Variants in PRKN observed in about 807,000 individuals in gnomAD.
PRKN encodes the protein E3 ubiquitin-protein ligase parkin.
PRKN carries 56 observed loss-of-function variants against 59.5 expected under a neutral mutation model. The ratio of observed to expected loss-of-function variants is 0.94; its 90% CI spans 0.76 to 1.18. The LOEUF is 1.18. PRKN is among the 50% of genes most tolerant of loss of function. PRKN has a pLI of 0.00. For synonymous variants in PRKN, 250 were observed against 222.1 expected, an observed-to-expected ratio of 1.13 and a Z score of -1.12; for missense variants, 657 against 596.4, an observed-to-expected ratio of 1.10 and a Z score of -1.06.
At chr6:162,465,848 G>C (rs144020708) in intron 1 of PRKN, among the ~76,000 whole-genome samples, 14 of 152,250 alleles carry the variant, frequency 9.2e-5, no homozygotes, top group African/African-American at 3.4e-4. Flanking sequence ...GGTATATTGT[G>C]ATATTTAAGA....
chr6:161,735,717 C>A (rs1787936272), intron 7 of PRKN, among the ~76,000 whole-genome samples: 1 of 152,050 alleles, frequency 6.6e-6, no homozygotes, highest in Non-Finnish European at 1.5e-5. Context: ...GAATTCGAGA[C>A]CAGTCTGGCC....
At chr6:162,546,175 C>A (rs902003735) in intron 1 of PRKN, among the ~76,000 whole-genome samples, 2 of 144,910 alleles carry the variant, frequency 1.4e-5, no homozygotes, top group Non-Finnish European at 3.0e-5. Context: ...GTGATCTCAG[C>A]TCACTGCAAC....
intron 2 of PRKN, among the ~76,000 whole-genome samples, chr6:162,345,768 T>C (rs1784376116): frequency 6.6e-6 from 1 of 152,244 alleles, no homozygotes; most frequent in Non-Finnish European, 1.5e-5. Context: ...CTTTTGAGCT[T>C]TGTAGTCACA....
chr6:161,431,459 C>G (rs752418127), intron 9 of PRKN, among the ~76,000 whole-genome samples: 1 of 151,722 alleles, frequency 6.6e-6, no homozygotes, highest in Non-Finnish European at 1.5e-5. Flanking sequence ...TAAATCATAT[C>G]ATAAAATGTT....
chr6:162,300,636 T>C lies in PRKN; in HGVS notation c.172-37871A>G, dbSNP rs144631310. Among the ~76,000 whole-genome samples, 620 of 152,252 alleles carry C rather than the reference T, an allele frequency of 4.1e-3. 5 individuals are homozygous for C. The highest frequency in any genetic ancestry group is 0.014 in the African/African-American group (591 of 41,536). On this transcript the variant is annotated intron_variant, in intron 2 of 11. Coordinates refer to ENST00000366898, the MANE Select transcript of PRKN (RefSeq NM_004562.3). ...CATAGATTAGAACACCTCACTTCTC[T>C]AAAGTTAACCTTTATCGGGCAAGCT...
chr6:161,991,519 G>T (rs1327880868), intron 5 of PRKN, among the ~76,000 whole-genome samples: 2 of 152,130 alleles, frequency 1.3e-5, no homozygotes, highest in African/African-American at 4.8e-5. Flanking sequence ...CCCCATAAAA[G>T]ATAATAAATG....
chr6:162,067,311 T>G (rs1778382474), intron 4 of PRKN, among the ~76,000 whole-genome samples: 1 of 152,234 alleles, frequency 6.6e-6, no homozygotes, highest in African/African-American at 2.4e-5. Context: ...TTATTACAAT[T>G]AAATTAACTT....
chr6:161,901,158 C>T (rs1192183517), intron 6 of PRKN, among the ~76,000 whole-genome samples: 1 of 151,906 alleles, frequency 6.6e-6, no homozygotes, highest in Non-Finnish European at 1.5e-5. Flanking sequence ...CTCAGGTGAT[C>T]CTCCTGACCT....
chr6:162,292,786 A>C (rs1781502009), intron 2 of PRKN, among the ~76,000 whole-genome samples: 1 of 151,564 alleles, frequency 6.6e-6, no homozygotes, highest in Non-Finnish European at 1.5e-5. Flanking sequence ...GGATATAAAA[A>C]CCCCCAGATC....
At chr6:162,487,892 A>G (rs999621922) in intron 1 of PRKN, among the ~76,000 whole-genome samples, 3 of 152,134 alleles carry the variant, frequency 2.0e-5, no homozygotes, top group East Asian at 1.9e-4. Flanking sequence ...CCTGTGCAAC[A>G]AAGTGCGACC....
intron 2 of PRKN, among the ~76,000 whole-genome samples, chr6:162,429,980 C>A (rs1473900650): frequency 6.6e-6 from 1 of 152,124 alleles, no homozygotes; most frequent in African/African-American, 2.4e-5. Context: ...AGTGCCAGAC[C>A]TTTGCATCTT....
At chr6:162,437,488 T>C (rs1329626593) in intron 2 of PRKN, among the ~76,000 whole-genome samples, 1 of 152,282 alleles carries the variant, frequency 6.6e-6, no homozygotes, top group East Asian at 1.9e-4. Context: ...GACGTTATAA[T>C]TGTACTATAA....
intron 2 of PRKN, among the ~76,000 whole-genome samples, chr6:162,275,541 T>G (rs910361937): frequency 6.6e-6 from 1 of 152,172 alleles, no homozygotes; most frequent in Non-Finnish European, 1.5e-5. Flanking sequence ...TCCCAGCACT[T>G]TGAGAGGCCA....
intron 1 of PRKN, among the ~76,000 whole-genome samples, chr6:162,475,257 C>T (rs1791946010): frequency 6.6e-6 from 1 of 152,200 alleles, no homozygotes; most frequent in African/African-American, 2.4e-5. Flanking sequence ...AAGGCTAAGG[C>T]ACCCATTCAT....
At chr6:162,550,995 G>A (rs1482289549) in intron 1 of PRKN, among the ~76,000 whole-genome samples, 1 of 152,138 alleles carries the variant, frequency 6.6e-6, no homozygotes, top group Non-Finnish European at 1.5e-5. Context: ...GAGAATGTAT[G>A]TATGACTAAG....
intron 4 of PRKN, among the ~76,000 whole-genome samples, chr6:162,153,660 A>G (rs1258189775): frequency 1.3e-5 from 2 of 152,116 alleles, no homozygotes; most frequent in African/African-American, 4.8e-5. Flanking sequence ...TTATTGAGTG[A>G]TGAAAGAGGC....
chr6:162,362,509 T>C (rs2128134271), intron 2 of PRKN, among the ~76,000 whole-genome samples: 1 of 152,250 alleles, frequency 6.6e-6, no homozygotes, highest in African/African-American at 2.4e-5. Flanking sequence ...AATAATCCTA[T>C]TTGAATTAAA....
chr6:161,876,404 T>C (rs1375774933), intron 6 of PRKN, among the ~76,000 whole-genome samples: 2 of 152,162 alleles, frequency 1.3e-5, no homozygotes, highest in African/African-American at 4.8e-5. Flanking sequence ...CTCGACCTTC[T>C]GGGCTTAAGC....
chr6:162,427,896 A>C (rs866620638), intron 2 of PRKN, among the ~76,000 whole-genome samples: 1 of 152,134 alleles, frequency 6.6e-6, no homozygotes, highest in Admixed American at 6.5e-5. Flanking sequence ...ACAAATCCCA[A>C]GTTCAGGATA....
Sources: allele counts gnomAD v4.1 joint callset (sites outside exome capture counted in the v4.1 genomes callset), GRCh38; gene constraint gnomAD v4.1.1; transcripts MANE v1.5; gene names NCBI Gene and HGNC (gene_info 2026-07-23, HGNC 2026-07-21).